Variants in ARSB observed in about 807,000 individuals in gnomAD.
The protein encoded by ARSB is N-acetylgalactosamine-4-sulfatase.
ARSB carries 41 observed loss-of-function variants against 50.9 expected under a neutral mutation model. The observed-to-expected ratio is 0.81, with a 90% CI of 0.63 to 1.04. The LOEUF is 1.04. Ranked by LOEUF, ARSB falls within the 50% of genes least tolerant of loss-of-function variation. The pLI is 0.00. For missense variants in ARSB, 672 were observed against 693.3 expected (o/e 0.97, Z 0.35); for synonymous variants, 269 against 284.8 (o/e 0.94, Z 0.56).
At chr5:78,873,741 C>T (rs1315754709) in intron 5 of ARSB, among the ~76,000 whole-genome samples, 6 of 151,644 alleles carry the variant, frequency 4.0e-5, no homozygotes, top group Non-Finnish European at 8.8e-5. Context: ...GTGATCCGCC[C>T]GCCTCGGCCT....
chr5:78,851,230 A>T (rs762588940), intron 5 of ARSB, among the ~76,000 whole-genome samples: 2 of 152,020 alleles, frequency 1.3e-5, no homozygotes, highest in Non-Finnish European at 2.9e-5. Context: ...CACTGCTTTG[A>T]ATGTGTCCCA....
intron 6 of ARSB, 126 bp downstream of exon 6, chr5:78,839,230 G>A (rs1259612608): frequency 1.5e-5 from 13 of 892,340 alleles, no homozygotes; most frequent in South Asian, 9.7e-5. Flanking sequence ...GATATGTCCC[G>A]AAGAACTGTT....
At chr5:78,829,098 G>A (rs1260912206) in intron 6 of ARSB, among the ~76,000 whole-genome samples, 2 of 152,248 alleles carry the variant, frequency 1.3e-5, no homozygotes, top group African/African-American at 2.4e-5. Flanking sequence ...GAAATGGGAT[G>A]TCCCCTCAGC....
chr5:78,928,577 A>G (rs1750169725), intron 4 of ARSB, among the ~76,000 whole-genome samples: 1 of 151,950 alleles, frequency 6.6e-6, no homozygotes, highest in African/African-American at 2.4e-5. Flanking sequence ...CGGCCTCCCA[A>G]AGTGCTGGGA....
At chr5:78,972,516 T>TACACGTACACACACAC (rs1554088557) in intron 1 of ARSB, among the ~76,000 whole-genome samples, 1 of 145,598 alleles carries the variant, frequency 6.9e-6, no homozygotes, top group African/African-American at 2.6e-5. Flanking sequence ...CACGCATACG[T>TACACGTACACACACAC]ACACACACAC....
Position 78,777,930 on chromosome 5 carries a change from T to C in ARSB, c.*2467A>G, listed in dbSNP as rs556397528. 2.6e-5 allele frequency: 4 copies of C among 151,990 alleles called. No homozygotes were observed. Among genetic ancestry groups the C allele is most frequent in the African/African-American group, 9.7e-5 (4 of 41,378 alleles). 9.4% of individuals were successfully genotyped at this position (151,990 alleles called of 1,614,324 possible). ...ATATCAATCTTTTCACATTCTTATA[T>C]AGAATCAGAGAATCTAATGAAATAC... On this transcript the variant is annotated 3_prime_UTR_variant, in exon 8 of 8. Coordinates refer to ENST00000264914, the MANE Select transcript of ARSB (RefSeq NM_000046.5).
chr5:78,779,844 A>C lies in ARSB; in HGVS notation c.*553T>G, dbSNP rs1748874210. On this transcript the variant is annotated 3_prime_UTR_variant, in exon 8 of 8. Coordinates refer to ENST00000264914, the MANE Select transcript of ARSB (RefSeq NM_000046.5). ...GTGCAGGCATTTTGCTGTTGACCTG[A>C]ACAACAAAATGGGCCTTATGCTCTG... is the stretch of plus-strand genomic sequence containing the variant. 6.3e-6 allele frequency: 1 copy of C among 157,620 alleles called. No homozygotes were observed. Among genetic ancestry groups the C allele is most frequent in the South Asian group, 1.9e-4 (1 of 5,232 alleles). 9.8% of individuals were successfully genotyped at this position (157,620 alleles called of 1,614,324 possible).
intron 6 of ARSB, among the ~76,000 whole-genome samples, chr5:78,805,017 T>A (rs1743513799): frequency 6.6e-6 from 1 of 152,230 alleles, no homozygotes; most frequent in Admixed American, 6.5e-5. Context: ...CAGGGTTTAG[T>A]GATAGCAACA....
rs1306254981 is a variant in ARSB, at chr5:78,937,349, CATATATATGTAAGAT to C, written c.898+17931_898+17945del. ...ATATATATATGTAAGATATATATAT[CATATATATGTAAGAT>C]ATATATATGTAAGATATATATATCA... is the stretch of plus-strand genomic sequence containing the variant. On this transcript the variant is annotated intron_variant, in intron 4 of 7. Transcript: ENST00000264914. 1.2e-4 allele frequency among the ~76,000 whole-genome samples: 15 copies of C among 125,222 alleles called. 2 individuals are homozygous for C. The highest frequency in any genetic ancestry group is 2.0e-4 in the Non-Finnish European group (12 of 59,912). 82.2% of individuals were successfully genotyped at this position (125,222 alleles called of 152,430 possible).
chr5:78,783,765 C>T (rs1044329566), intron 6 of ARSB, among the ~76,000 whole-genome samples: 5 of 152,128 alleles, frequency 3.3e-5, no homozygotes, highest in African/African-American at 9.7e-5. Flanking sequence ...GGAAATTTAA[C>T]TATCTCATCT....
At chr5:78,930,961 T>C (rs371300324) in intron 4 of ARSB, among the ~76,000 whole-genome samples, 46 of 152,296 alleles carry the variant, frequency 3.0e-4, no homozygotes, top group African/African-American at 1.1e-3. Context: ...AAGGCGACTG[T>C]AGTCTTTCCT....
intron 7 of ARSB, 31 bp downstream of exon 7, chr5:78,781,821 G>A (rs759237377): frequency 1.2e-6 from 2 of 1,613,880 alleles, no homozygotes; most frequent in South Asian, 2.2e-5. Context: ...TCTACCACGG[G>A]AAGGGAAGTT....
chr5:78,802,849 AC>A (rs1456350476), intron 6 of ARSB, among the ~76,000 whole-genome samples: 1 of 152,206 alleles, frequency 6.6e-6, no homozygotes, highest in Non-Finnish European at 1.5e-5. Flanking sequence ...TTGCATTGAT[AC>A]CTGAGAGGGA....
intron 3 of ARSB, among the ~76,000 whole-genome samples, chr5:78,958,655 C>T (rs1313865466): frequency 6.6e-6 from 1 of 152,054 alleles, no homozygotes; most frequent in Non-Finnish European, 1.5e-5. Context: ...GAGACTGTGT[C>T]ACGTAGCATG....
intron 5 of ARSB, among the ~76,000 whole-genome samples, chr5:78,841,161 ACTACTAC>A (rs879913235): frequency 0.037 from 5,154 of 139,548 alleles, 183 homozygotes; most frequent in Non-Finnish European, 0.046. Flanking sequence ...TACTACTACT[ACTACTAC>A]TAATAATAAT....
chr5:78,866,317 T>C (rs1204072473), intron 5 of ARSB, among the ~76,000 whole-genome samples: 2 of 152,150 alleles, frequency 1.3e-5, no homozygotes, highest in African/African-American at 4.8e-5. Flanking sequence ...TTTCCCCTTA[T>C]ATTACCATCA....
At chr5:78,794,715 C>T (rs80008927) in intron 6 of ARSB, among the ~76,000 whole-genome samples, 58 of 152,182 alleles carry the variant, frequency 3.8e-4, no homozygotes, top group African/African-American at 1.4e-3. Context: ...ACTGCTTGTC[C>T]AACTTTTCCA....
At chr5:78,846,506 T>C (rs113715862) in intron 5 of ARSB, among the ~76,000 whole-genome samples, 3,818 of 152,286 alleles carry the variant, frequency 0.025, 65 homozygotes, top group South Asian at 0.042. Flanking sequence ...TTCAAATCTA[T>C]GAATATGAGA....
At chr5:78,878,888 C>T (rs1273606684) in intron 5 of ARSB, among the ~76,000 whole-genome samples, 2 of 151,498 alleles carry the variant, frequency 1.3e-5, no homozygotes, top group Middle Eastern at 6.8e-3. Flanking sequence ...GGATCTTGCT[C>T]TGTTGCCCAG....
Sources: gnomAD v4.1 joint callset for allele counts (sites outside exome capture counted in the v4.1 genomes callset) on GRCh38, gnomAD v4.1.1 for gene constraint, MANE v1.5 for transcripts, NCBI Gene and HGNC (gene_info 2026-07-23, HGNC 2026-07-21) for gene names.